The following CFAP52 variants were observed in gnomAD, a reference collection of about 807,000 sequenced individuals.
The protein encoded by CFAP52 is cilia and flagella associated protein 52.
A neutral mutation model predicts 70.5 loss-of-function variants in CFAP52; 57 were observed. The ratio of observed to expected loss-of-function variants is 0.81; its 90% CI spans 0.65 to 1.01. The LOEUF is 1.01. Ranked by LOEUF, CFAP52 falls within the 50% of genes least tolerant of loss-of-function variation. The probability of loss-of-function intolerance (pLI) is 0.00; values close to 1 mark genes in which losing one functional copy is unlikely to be tolerated. For missense variants in CFAP52, 785 were observed against 788.5 expected, an observed-to-expected ratio of 1.00 and a Z score of 0.05; for synonymous variants, 267 against 292.5, an observed-to-expected ratio of 0.91 and a Z score of 0.89.
At chr17:9,633,063 C>A in intron 10 of CFAP52, 30 bp downstream of exon 10, 1 of 1,608,646 alleles carries the variant, frequency 6.2e-7, no homozygotes, top group Non-Finnish European at 8.5e-7. Context: ...GAAAAAATAA[C>A]GCTCTGTTTA....
intron 7 of CFAP52, among the ~76,000 whole-genome samples, chr17:9,612,003 A>G (rs1353709330): frequency 1.3e-5 from 2 of 152,218 alleles, no homozygotes; most frequent in African/African-American, 4.8e-5. Flanking sequence ...TGCTGTGGTC[A>G]TTTGTACCCA....
intron 8 of CFAP52, among the ~76,000 whole-genome samples, chr17:9,612,973 A>G (rs1260218556): frequency 6.6e-6 from 1 of 152,170 alleles, no homozygotes; most frequent in African/African-American, 2.4e-5. Context: ...TTGCCCAGCT[A>G]TAGGCTAATG....
intron 9 of CFAP52, among the ~76,000 whole-genome samples, chr17:9,632,015 C>T (rs545576719): frequency 4.6e-5 from 7 of 151,878 alleles, no homozygotes; most frequent in African/African-American, 1.2e-4. Context: ...TCAAGTGATC[C>T]GCCTGCCTTG....
chr17:9,587,029 A>G (rs982091979), intron 3 of CFAP52, among the ~76,000 whole-genome samples, 195 bp downstream of exon 3: 5 of 150,908 alleles, frequency 3.3e-5, no homozygotes, highest in African/African-American at 1.2e-4. Context: ...CCCACCCTCC[A>G]CCCTCAACAG....
At chr17:9,628,546 G>A in intron 8 of CFAP52, 126 bp from the exon 9 acceptor site, 2 of 1,307,890 alleles carry the variant, frequency 1.5e-6, no homozygotes, top group Non-Finnish European at 2.1e-6. Context: ...CAAAGTGCTG[G>A]GATTACAGGT....
chr17:9,592,163 A>G (rs540425167), intron 3 of CFAP52, among the ~76,000 whole-genome samples: 2 of 151,766 alleles, frequency 1.3e-5, no homozygotes, highest in East Asian at 3.9e-4. Flanking sequence ...CAACACCCCA[A>G]AAAGAAACCC....
At chr17:9,638,887 C>T in intron 12 of CFAP52, 176 bp downstream of exon 12, 1 of 611,454 alleles carries the variant, frequency 1.6e-6, no homozygotes, top group African/African-American at 1.8e-5. Flanking sequence ...TTCACTTCCC[C>T]ACCTGTTAAG....
chr17:9,605,740 G>A (rs1909464216), intron 6 of CFAP52, among the ~76,000 whole-genome samples: 1 of 149,824 alleles, frequency 6.7e-6, no homozygotes, highest in Admixed American at 6.7e-5. Context: ...CTTGCCATGG[G>A]TTAGCAGGGA....
In CFAP52 at chr17:9,628,753, G is replaced by A. The variant is rs774494211; in HGVS notation, c.1107G>A (p.Arg369=). 4.3e-6 allele frequency: 7 copies of A among 1,614,172 alleles called. No individual in the cohort carries two copies. Among genetic ancestry groups the A allele is most frequent in the African/African-American group, 1.3e-5 (1 of 75,044 alleles). ...CATCATCCAACAGGGAGCTGCTGCG[G>A]ATCACCGTGCCCAACATGACCTGCC... ...WHTSSNRELL[R]ITVPNMTCHG... The change falls in exon 9 of 14, where the codon CGG becomes CGA. Residue 369 remains arginine (R), a synonymous_variant. Transcript: ENST00000352665.
chr17:9,588,531 T>C (rs1027858116), intron 3 of CFAP52, among the ~76,000 whole-genome samples: 1 of 152,114 alleles, frequency 6.6e-6, no homozygotes, highest in Non-Finnish European at 1.5e-5. Flanking sequence ...ATCTTCCACC[T>C]GCCTACAGCC....
At chr17:9,631,052 G>GAGAGAGAGAGAGAGAGAGAGAGAA (rs370935367) in intron 9 of CFAP52, among the ~76,000 whole-genome samples, 35 of 37,954 alleles carry the variant, frequency 9.2e-4, no homozygotes, top group Non-Finnish European at 1.2e-3. Context: ...GAGAGAGAGA[G>GAGAGAGAGAGAGAGAGAGAGAGAA]AGAAAGAAAG....
intron 7 of CFAP52, chr17:9,610,230 C>G (rs143697444): frequency 2.6e-5 from 4 of 152,276 alleles, no homozygotes; most frequent in African/African-American, 4.8e-5. Context: ...TGGGTTATCT[C>G]TGGATGTATG....
intron 5 of CFAP52, among the ~76,000 whole-genome samples, chr17:9,598,934 G>T (rs573839749): frequency 2.6e-5 from 4 of 152,124 alleles, no homozygotes; most frequent in African/African-American, 9.6e-5. Flanking sequence ...GTGGCACTCA[G>T]AGCCCACAGC....
intron 8 of CFAP52, among the ~76,000 whole-genome samples, chr17:9,614,782 T>C (rs1288900560): frequency 6.6e-6 from 1 of 152,098 alleles, no homozygotes; most frequent in African/African-American, 2.4e-5. Flanking sequence ...CAGACGCGAG[T>C]AGCAGCTCCT....
chr17:9,609,708 A>T (rs2151940997), intron 7 of CFAP52, among the ~76,000 whole-genome samples: 1 of 150,686 alleles, frequency 6.6e-6, no homozygotes. Flanking sequence ...CCTCGTCTCA[A>T]TTTTTTTTTT....
At chr17:9,631,048 G>GAAATAAAGAA (rs1426600738) in intron 9 of CFAP52, among the ~76,000 whole-genome samples, 1 of 19,788 alleles carries the variant, frequency 5.1e-5, no homozygotes, top group African/African-American at 1.2e-4. Flanking sequence ...GAGAGAGAGA[G>GAAATAAAGAA]AGAGAGAAAG....
intron 11 of CFAP52, among the ~76,000 whole-genome samples, chr17:9,636,272 C>T (rs1284320887): frequency 6.6e-6 from 1 of 151,460 alleles, no homozygotes; most frequent in Non-Finnish European, 1.5e-5. Context: ...ATAACTAATG[C>T]AGGCAGTGCC....
chr17:9,633,031 G>A lies in CFAP52; in HGVS notation c.1318G>A (p.Glu440Lys). Residue 440 changes from glutamate (E) to lysine (K), a missense_variant and splice_region_variant, in exon 10 of 14, where the codon GAG becomes AAG. By Grantham distance (56) the Glu-to-Lys change is moderately conservative. Coordinates refer to ENST00000352665, the MANE Select transcript of CFAP52 (RefSeq NM_145054.5). ...GGTCATCAGTGGCGGTGGGGAAGGG[G>A]AGGTATTGAAAGCAGAAATTTGAAA... is the stretch of plus-strand genomic sequence containing the variant. ...KRVISGGGEGEVRVWQIGCQT... is the reference protein window; with the variant it reads ...KRVISGGGEGKVRVWQIGCQT... The A allele has an allele frequency of 2.5e-6, 4 of 1,613,530 alleles. No homozygotes were observed. Among genetic ancestry groups the A allele is most frequent in the Non-Finnish European group, 3.4e-6 (4 of 1,179,790 alleles).
Position 9,604,811 on chromosome 17 carries a change from A to T in CFAP52, c.754-3308A>T, listed in dbSNP as rs575400696. 2.8e-4 allele frequency among the ~76,000 whole-genome samples: 43 copies of T among 151,512 alleles called. No homozygotes were observed. In the South Asian group the frequency reaches 7.7e-3, roughly 27 times the overall value. On this transcript the variant is annotated intron_variant, in intron 6 of 13. Coordinates refer to ENST00000352665, the MANE Select transcript of CFAP52 (RefSeq NM_145054.5). Reference sequence around the variant, plus strand: ...TAAATAAATAAATAAATAAAAGAAGATATACAGATGGCAAGTAAGCATATG... The same window carrying T: ...TAAATAAATAAATAAATAAAAGAAGTTATACAGATGGCAAGTAAGCATATG...
Sources: allele counts gnomAD v4.1 joint callset (sites outside exome capture counted in the v4.1 genomes callset), GRCh38; gene constraint gnomAD v4.1.1; transcripts MANE v1.5; gene names NCBI Gene and HGNC (gene_info 2026-07-23, HGNC 2026-07-21).